The following NRF1 variants were observed in gnomAD, a reference collection of about 807,000 sequenced individuals.
The protein encoded by NRF1 is nuclear respiratory factor 1, also known as alpha palindromic-binding protein.
NRF1 carries 5 observed loss-of-function variants against 58.5 expected under a neutral mutation model. The ratio of observed to expected loss-of-function variants is 0.09; its 90% confidence interval spans 0.04 to 0.18. The LOEUF (loss-of-function observed/expected upper bound fraction) is 0.18. NRF1 is among the 10% of genes least tolerant of loss of function. The pLI is 1.00. For missense variants in NRF1, 288 were observed against 657.7 expected (o/e 0.44, Z 6.15); for synonymous variants, 224 against 246.7 (o/e 0.91, Z 0.86).
At chr7:129,685,558 T>A (rs1274976945) in intron 4 of NRF1, among the ~76,000 whole-genome samples, 1 of 11,704 alleles carries the variant, frequency 8.5e-5, no homozygotes, top group East Asian at 8.1e-4. Context: ...CTCATTCAAG[T>A]GTGTGTGTGT....
chr7:129,712,728 G>A lies in NRF1; in HGVS notation c.1065+1152G>A, dbSNP rs117063346. Among the ~76,000 whole-genome samples, 124 of 152,332 alleles carry A rather than the reference G, an allele frequency of 8.1e-4. 3 individuals carry two copies. In the East Asian group the frequency reaches 0.021, roughly 26 times the overall value. ...CGTATGTGCCTCCTTTCCACCTAAG[G>A]AGCCTGGGAAAGTTTGGGACACTGA... On this transcript the variant is annotated intron_variant, in intron 8 of 10. Coordinates refer to ENST00000393232, the MANE Select transcript of NRF1 (RefSeq NM_005011.5).
intron 1 of NRF1, among the ~76,000 whole-genome samples, chr7:129,632,101 T>A (rs1447356499): frequency 1.3e-5 from 2 of 152,110 alleles, no homozygotes; most frequent in African/African-American, 4.8e-5. Flanking sequence ...ATAATAAGAC[T>A]GCATCTCTAA....
At chr7:129,697,377 A>G (rs1184983845) in intron 5 of NRF1, among the ~76,000 whole-genome samples, 1 of 151,756 alleles carries the variant, frequency 6.6e-6, no homozygotes, top group Non-Finnish European at 1.5e-5. Context: ...CCCCGTCTCC[A>G]CTAAAAATTT....
intron 5 of NRF1, among the ~76,000 whole-genome samples, chr7:129,691,547 G>A (rs1239610304): frequency 6.6e-6 from 1 of 151,150 alleles, no homozygotes; most frequent in African/African-American, 2.4e-5. Context: ...TAGAGATGGG[G>A]TTTTGCTGTG....
chr7:129,711,319 T>C (rs1803067781), intron 7 of NRF1, among the ~76,000 whole-genome samples, 156 bp from the exon 8 acceptor site: 1 of 152,218 alleles, frequency 6.6e-6, no homozygotes, highest in African/African-American at 2.4e-5. Context: ...GTCTCTGAAC[T>C]ATGATTTTAG....
chr7:129,708,730 G>A (rs770168930), intron 5 of NRF1, among the ~76,000 whole-genome samples: 4 of 152,128 alleles, frequency 2.6e-5, no homozygotes, highest in Non-Finnish European at 5.9e-5. Context: ...AACACCCCGA[G>A]TTTGGCACCT....
chr7:129,670,224 G>T (rs1358989039), intron 2 of NRF1, among the ~76,000 whole-genome samples: 1 of 152,194 alleles, frequency 6.6e-6, no homozygotes. Flanking sequence ...GATGCAAGGG[G>T]AATAAGTTCT....
At chr7:129,617,352 A>T (rs756621830) in intron 1 of NRF1, among the ~76,000 whole-genome samples, 1 of 152,220 alleles carries the variant, frequency 6.6e-6, no homozygotes, top group East Asian at 1.9e-4. Flanking sequence ...CCTACAAAGA[A>T]CAAGGGGAAA....
rs181186791 is a variant in NRF1, at chr7:129,738,802, G to C, written c.1348+11437G>C. On this transcript the variant is annotated intron_variant, in intron 10 of 10. Transcript: ENST00000393232. The stretch of plus-strand genomic sequence containing the variant: ...AGCAGCTAAAACCGGGACTTGCCCA[G>C]GATCTGTCAGCTCTTAAATAGTAAG... 6.6e-3 allele frequency among the ~76,000 whole-genome samples: 1,001 copies of C among 152,258 alleles called. 15 individuals carry two copies. Among genetic ancestry groups the C allele is most frequent in the African/African-American group, 0.023 (966 of 41,544 alleles).
intron 7 of NRF1, among the ~76,000 whole-genome samples, chr7:129,711,219 G>T (rs1803065771): frequency 6.6e-6 from 1 of 152,134 alleles, no homozygotes; most frequent in South Asian, 2.1e-4. Flanking sequence ...TAGAAAGTTG[G>T]TTGACCAACA....
At chr7:129,669,476 G>T (rs983489502) in intron 2 of NRF1, among the ~76,000 whole-genome samples, 1 of 152,132 alleles carries the variant, frequency 6.6e-6, no homozygotes, top group South Asian at 2.1e-4. Context: ...TGGATAGAAC[G>T]ATGGATAGAT....
At chr7:129,614,517 A>G (rs186339959) in intron 1 of NRF1, among the ~76,000 whole-genome samples, 87 of 149,818 alleles carry the variant, frequency 5.8e-4, no homozygotes, top group Middle Eastern at 3.5e-3. Context: ...GGATCTTGCT[A>G]TGTTGCCTAA....
chr7:129,646,134 G>A (rs7782520), intron 1 of NRF1, among the ~76,000 whole-genome samples: 64,096 of 152,060 alleles, frequency 0.42, 15,781 homozygotes, highest in African/African-American at 0.68. Context: ...GTGAGCCACC[G>A]CGCCAGGCCT....
At chr7:129,735,737 G>A (rs1231367242) in intron 10 of NRF1, among the ~76,000 whole-genome samples, 1 of 152,048 alleles carries the variant, frequency 6.6e-6, no homozygotes, top group African/African-American at 2.4e-5. Context: ...CACCGGGCGC[G>A]GTGGCTGACG....
intron 1 of NRF1, among the ~76,000 whole-genome samples, chr7:129,647,634 T>A (rs1801439840): frequency 6.6e-6 from 1 of 152,100 alleles, no homozygotes; most frequent in South Asian, 2.1e-4. Flanking sequence ...GACCTCGCGA[T>A]CCCCCAGCCT....
chr7:129,714,354 G>T (rs1427354752), intron 8 of NRF1, among the ~76,000 whole-genome samples: 5 of 152,212 alleles, frequency 3.3e-5, no homozygotes, highest in Admixed American at 6.5e-5. Flanking sequence ...ACTTGAGAGA[G>T]CCTCACTGGG....
intron 8 of NRF1, among the ~76,000 whole-genome samples, chr7:129,713,080 G>A (rs1803111484): frequency 6.7e-6 from 1 of 150,292 alleles, no homozygotes; most frequent in Non-Finnish European, 1.5e-5. Flanking sequence ...TAACATTAAT[G>A]GAGTTGCGTT....
chr7:129,738,038 A>G (rs1446234286), intron 10 of NRF1, among the ~76,000 whole-genome samples: 1 of 152,156 alleles, frequency 6.6e-6, no homozygotes, highest in East Asian at 1.9e-4. Flanking sequence ...TGTAAGGTAA[A>G]TGGTCTTTTC....
intron 1 of NRF1, among the ~76,000 whole-genome samples, chr7:129,643,441 T>G (rs1181844902): frequency 6.6e-6 from 1 of 152,228 alleles, no homozygotes; most frequent in Non-Finnish European, 1.5e-5. Context: ...AGGCAGCCTC[T>G]AATCCTGCTA....
Sources: allele counts gnomAD v4.1 joint callset (sites outside exome capture counted in the v4.1 genomes callset), GRCh38; gene constraint gnomAD v4.1.1; transcripts MANE v1.5; gene names NCBI Gene and HGNC (gene_info 2026-07-23, HGNC 2026-07-21).